PGBD2: variants seen among roughly 807,000 people sequenced by gnomAD.
PGBD2 encodes the protein piggyBac transposable element-derived protein 2.
Under a neutral mutation model 8.1 loss-of-function variants are expected in PGBD2, and 6 were observed. That is an observed-to-expected ratio of 0.74 (90% confidence interval 0.40 to 1.46). PGBD2 has a LOEUF of 1.46. Among genes scored for constraint, PGBD2 ranks in the 40% most tolerant of loss-of-function variants. PGBD2 has a pLI of 0.02. For missense variants in PGBD2, 802 were observed against 739.0 expected (o/e 1.09, Z -0.99); for synonymous variants, 318 against 272.2 (o/e 1.17, Z -1.66).
chr1:248,890,937 C>A, the PGBD2 span, among the ~76,000 whole-genome samples: 6 of 151,462 alleles, frequency 4.0e-5, no homozygotes, highest in Admixed American at 4.0e-4. Flanking sequence ...ACCTCCCCAC[C>A]CCCGACACAG....
At chr1:248,873,893 G>A in the PGBD2 span, among the ~76,000 whole-genome samples, 1 of 152,228 alleles carries the variant, frequency 6.6e-6, no homozygotes, top group African/African-American at 2.4e-5. Flanking sequence ...CAGACTCAAG[G>A]TAAGCACCTT....
the PGBD2 span, among the ~76,000 whole-genome samples, chr1:248,897,533 T>C: frequency 0.25 from 37,627 of 152,180 alleles, 11,565 homozygotes; most frequent in African/African-American, 0.73. Context: ...AGGAGATTCC[T>C]TCTTGAGCCT....
chr1:248,904,130 G>C (rs1053463028), upstream of PGBD2, among the ~76,000 whole-genome samples: 7 of 151,394 alleles, frequency 4.6e-5, no homozygotes, highest in African/African-American at 1.7e-4. Flanking sequence ...AACAAACTAG[G>C]CTGCAAGGCT....
chr1:248,914,404 C>A, intron 2 of PGBD2: 1 of 1,222,632 alleles, frequency 8.2e-7, no homozygotes, highest in South Asian at 1.4e-5. Flanking sequence ...AATTTTCTTT[C>A]CCTTTAAGCC....
chr1:248,874,244 G>A, the PGBD2 span, among the ~76,000 whole-genome samples: 7 of 152,312 alleles, frequency 4.6e-5, no homozygotes, highest in African/African-American at 1.7e-4. Context: ...GACGCATCAT[G>A]TCTTCCCTGG....
downstream of PGBD2, among the ~76,000 whole-genome samples, chr1:248,923,499 C>T (rs745759565): frequency 2.6e-5 from 4 of 152,126 alleles, no homozygotes; most frequent in Admixed American, 6.5e-5. Context: ...CTCGCATCAT[C>T]GTTTACATGG....
At chr1:248,888,247 A>T in the PGBD2 span, among the ~76,000 whole-genome samples, 328 of 152,326 alleles carry the variant, frequency 2.2e-3, 1 homozygote, top group African/African-American at 7.0e-3. Context: ...TTTTGGTAGA[A>T]CAATATATTT....
chr1:248,906,726 C>G (rs566753127), intron 1 of PGBD2, among the ~76,000 whole-genome samples: 1 of 149,058 alleles, frequency 6.7e-6, no homozygotes, highest in Admixed American at 6.6e-5. Context: ...GCGAATGCCA[C>G]GTCACATCCT....
chr1:248,906,108 CG>C (rs1419737441), upstream of PGBD2: 1 of 149,492 alleles, frequency 6.7e-6, no homozygotes, highest in African/African-American at 2.5e-5. Context: ...GCCTCGCAGG[CG>C]TTTTCGGGAT....
upstream of PGBD2, among the ~76,000 whole-genome samples, chr1:248,903,645 C>G (rs1163576245): frequency 6.6e-6 from 1 of 152,212 alleles, no homozygotes; most frequent in Admixed American, 6.5e-5. Flanking sequence ...ACCCATTAAT[C>G]ATGGGCGCTT....
the PGBD2 span, among the ~76,000 whole-genome samples, chr1:248,929,684 C>T: frequency 1.3e-5 from 2 of 152,158 alleles, no homozygotes. Flanking sequence ...TAGTCTTTTC[C>T]ACCTGTGGAG....
the PGBD2 span, among the ~76,000 whole-genome samples, chr1:248,883,321 C>T: frequency 2.0e-5 from 3 of 152,044 alleles, no homozygotes; most frequent in African/African-American, 7.2e-5. Flanking sequence ...TGAGGTTTCT[C>T]CATGTTGGTC....
At chr1:248,881,314 C>T in the PGBD2 span, among the ~76,000 whole-genome samples, 30 of 152,120 alleles carry the variant, frequency 2.0e-4, no homozygotes, top group Non-Finnish European at 4.0e-4. Context: ...TTCTTTGGTT[C>T]TTGGTTTCTT....
chr1:248,882,766 G>A, the PGBD2 span, among the ~76,000 whole-genome samples: 1 of 152,184 alleles, frequency 6.6e-6, no homozygotes, highest in South Asian at 2.1e-4. Context: ...CCATTCATAG[G>A]CTCTCTGCAG....
At chr1:248,890,077 G>A in the PGBD2 span, among the ~76,000 whole-genome samples, 335 of 151,918 alleles carry the variant, frequency 2.2e-3, no homozygotes, top group African/African-American at 7.4e-3. Flanking sequence ...ACAGGCATGC[G>A]CCACCACGCC....
At chr1:248,914,552 A>T (rs1662021894) in intron 2 of PGBD2, 1 of 1,289,144 alleles carries the variant, frequency 7.8e-7, no homozygotes, top group Non-Finnish European at 1.0e-6. Flanking sequence ...TCCAAAGTCC[A>T]TGGGCAGGTC....
chr1:248,876,298 G>A, the PGBD2 span, among the ~76,000 whole-genome samples: 4 of 152,132 alleles, frequency 2.6e-5, no homozygotes, highest in Non-Finnish European at 5.9e-5. Flanking sequence ...GTGAGCCACC[G>A]AGCCTGGCCT....
rs776335485 is a variant in PGBD2 at position 248,917,949 on chromosome 1, G to A, written c.1365G>A (p.Leu455=). The A allele has an allele frequency of 7.4e-6, 12 of 1,614,102 alleles. No individual in the cohort carries two copies. Among genetic ancestry groups the A allele is most frequent in the Non-Finnish European group, 1.0e-5 (12 of 1,180,036 alleles). Residue 455 remains leucine (L), a synonymous_variant, in exon 3 of 3, where the codon CTG becomes CTA. Coordinates refer to ENST00000329291, the MANE Select transcript of PGBD2 (RefSeq NM_170725.3). ...TQVHQPSLVK[L]YQEKVGGVGR... ...TCCACCAGCCATCACTGGTGAAGCT[G>A]TATCAGGAGAAGGTGGGTGGCGTTG...
chr1:248,899,757 C>T, the PGBD2 span, among the ~76,000 whole-genome samples: 1 of 148,526 alleles, frequency 6.7e-6, no homozygotes, highest in Non-Finnish European at 1.5e-5. Context: ...CATCAAAAAC[C>T]CTTAAAAAAA....
Sources: allele counts gnomAD v4.1 joint callset (sites outside exome capture counted in the v4.1 genomes callset), GRCh38; gene constraint gnomAD v4.1.1; transcripts MANE v1.5; gene names NCBI Gene and HGNC (gene_info 2026-07-23, HGNC 2026-07-21).